TEX12: variants seen among roughly 807,000 people sequenced by gnomAD.
TEX12 encodes the protein testis-expressed protein 12.
Under a neutral mutation model 14.6 loss-of-function variants are expected in TEX12, and 7 were observed. The observed-to-expected ratio is 0.48, with a 90% CI of 0.27 to 0.90. TEX12 has a LOEUF of 0.90. Ranked by LOEUF, TEX12 falls within the 40% of genes least tolerant of loss-of-function variation. TEX12 has a pLI of 0.12. For synonymous variants in TEX12, 57 were observed against 49.1 expected (o/e 1.16, Z -0.67); for missense variants, 121 against 135.7 (o/e 0.89, Z 0.54).
intron 2 of TEX12, among the ~76,000 whole-genome samples, chr11:112,169,607 T>G (rs536645103): frequency 2.6e-5 from 4 of 152,326 alleles, no homozygotes; most frequent in African/African-American, 9.6e-5. Flanking sequence ...GGATTTTATG[T>G]AATTATTTTG....
At chr11:112,169,222 C>T (rs1404428134) in intron 1 of TEX12, 31 bp from the exon 2 acceptor site, 1 of 1,482,644 alleles carries the variant, frequency 6.7e-7, no homozygotes, top group Admixed American at 1.7e-5. Context: ...GGAGTTTGTA[C>T]CTAAATCTGG....
intron 2 of TEX12, 39 bp downstream of exon 2, chr11:112,169,370 GT>G: frequency 6.7e-7 from 1 of 1,482,086 alleles, no homozygotes; most frequent in Non-Finnish European, 9.4e-7. Flanking sequence ...CTTTTATTCT[GT>G]TTTACATACT....
At chr11:112,167,770 C>T (rs1454140744) in intron 1 of TEX12, among the ~76,000 whole-genome samples, 1 of 152,124 alleles carries the variant, frequency 6.6e-6, no homozygotes, top group Non-Finnish European at 1.5e-5. Context: ...AGGCCTGGAT[C>T]TGCTGAGGCC....
intron 2 of TEX12, among the ~76,000 whole-genome samples, chr11:112,169,912 T>G (rs1044897136): frequency 3.9e-5 from 6 of 152,246 alleles, no homozygotes; most frequent in African/African-American, 1.4e-4. Flanking sequence ...GGCTCATGTC[T>G]GTAATCCTAG....
chr11:112,170,293 C>G, intron 2 of TEX12, 126 bp from the exon 3 acceptor site: 1 of 610,486 alleles, frequency 1.6e-6, no homozygotes, highest in Admixed American at 3.3e-5. Flanking sequence ...ATGACTAAGT[C>G]ATATGCTTTC....
intron 1 of TEX12, among the ~76,000 whole-genome samples, chr11:112,168,218 CAA>C (rs776121551): frequency 6.6e-6 from 1 of 152,156 alleles, no homozygotes; most frequent in Non-Finnish European, 1.5e-5. Context: ...TCAAAAACAA[CAA>C]AGTCAATTGA....
At chr11:112,168,261 C>T (rs1025346140) in intron 1 of TEX12, among the ~76,000 whole-genome samples, 6 of 152,192 alleles carry the variant, frequency 3.9e-5, no homozygotes, top group African/African-American at 1.4e-4. Context: ...CTCCCCTCAT[C>T]TCAAAGACAC....
At chr11:112,170,812 C>T in intron 4 of TEX12, 138 bp downstream of exon 4, 2 of 613,536 alleles carry the variant, frequency 3.3e-6, no homozygotes, top group Non-Finnish European at 5.6e-6. Flanking sequence ...ACCTCAGTCC[C>T]TTATAATAGA....
chr11:112,169,241 T>C lies in TEX12; in HGVS notation c.-16-12T>C. 1 of 1,602,968 alleles carries C rather than the reference T, an allele frequency of 6.2e-7. No homozygotes were observed. Among genetic ancestry groups the C allele is most frequent in the Non-Finnish European group, 8.5e-7 (1 of 1,169,790 alleles). ...TTTGTACCTAAATCTGGCATTGTTC[T>C]AAGCTTTGTAGCTGGTGCCTTCGGA... On this transcript the variant is annotated splice_polypyrimidine_tract_variant and intron_variant, in intron 1 of 4. Coordinates refer to ENST00000280358, the MANE Select transcript of TEX12 (RefSeq NM_031275.4).
At position 112,167,403 on chromosome 11, in the gene TEX12, C is replaced by G. The variant is rs543616689; in HGVS notation, c.-101C>G. The G allele has an allele frequency of 6.6e-6, 1 of 152,366 alleles. No homozygotes were observed. Among genetic ancestry groups the G allele is most frequent in the East Asian group, 1.9e-4 (1 of 5,164 alleles). The allele number at this position is 152,366 out of a possible 1,614,324, so 9.4% of individuals were successfully genotyped here. On this transcript the variant is annotated 5_prime_UTR_variant, in exon 1 of 5. Coordinates refer to ENST00000280358, the MANE Select transcript of TEX12 (RefSeq NM_031275.4). ...TCGCGTTCGCTGACGAGGAAGGTCC[C>G]CATACCGCGAAGTACATTGGCCTTG...
chr11:112,171,962 T>G lies in TEX12; in HGVS notation c.*46T>G. ...TGAGAATTTAAACCTATTATTGTTATAATGAAAGAATGACATTTATGCTTT... is the reference window on the plus strand; with the variant it reads ...TGAGAATTTAAACCTATTATTGTTAGAATGAAAGAATGACATTTATGCTTT... On this transcript the variant is annotated 3_prime_UTR_variant, in exon 5 of 5. Coordinates refer to ENST00000280358, the MANE Select transcript of TEX12 (RefSeq NM_031275.4). The G allele has an allele frequency of 7.6e-7, 1 of 1,323,780 alleles. No homozygotes were observed. The highest frequency in any genetic ancestry group is 9.9e-7 in the Non-Finnish European group (1 of 1,010,614). 82.0% of individuals were successfully genotyped at this position (1,323,780 alleles called of 1,614,324 possible).
At chr11:112,168,701 G>T (rs1404875527) in intron 1 of TEX12, among the ~76,000 whole-genome samples, 3 of 152,216 alleles carry the variant, frequency 2.0e-5, no homozygotes, top group Middle Eastern at 6.8e-3. Flanking sequence ...ACAGGCGCCT[G>T]CCACCACGCC....
chr11:112,171,664 C>A, intron 4 of TEX12, 108 bp from the exon 5 acceptor site: 1 of 712,198 alleles, frequency 1.4e-6, no homozygotes, highest in Non-Finnish European at 2.1e-6. Flanking sequence ...TTCTGTGGCA[C>A]ATAAAGCCAT....
chr11:112,170,646 ATGT>A lies in TEX12; in HGVS notation c.203_205del (p.Leu68del). 2 of 1,611,912 alleles carry A rather than the reference ATGT, an allele frequency of 1.2e-6. No homozygotes were observed. The highest frequency in any genetic ancestry group is 1.7e-6 in the Non-Finnish European group (2 of 1,178,456). On this transcript the variant is annotated inframe_deletion, in exon 4 of 5. Coordinates refer to ENST00000280358, the MANE Select transcript of TEX12 (RefSeq NM_031275.4). ...AGATGTGAGCAAGGAAATTAATCTA[ATGT>A]TGTCTACCTATGCAAAGCTTTTAAG... is the stretch of plus-strand genomic sequence containing the variant.
chr11:112,171,620 T>A (rs1239021807), intron 4 of TEX12, 152 bp from the exon 5 acceptor site: 2 of 451,394 alleles, frequency 4.4e-6, no homozygotes, highest in East Asian at 7.4e-5. Context: ...GGGACTAATT[T>A]TTTTTTCTGA....
intron 1 of TEX12, among the ~76,000 whole-genome samples, chr11:112,168,773 A>T (rs777161542): frequency 2.6e-5 from 4 of 152,090 alleles, no homozygotes; most frequent in African/African-American, 4.8e-5. Flanking sequence ...GCTGGTCTCG[A>T]ACTCCCGACC....
chr11:112,170,626 T>G lies in TEX12; in HGVS notation c.179T>G (p.Val60Gly). Residue 60 changes from valine (V) to glycine (G), a missense_variant, in exon 4 of 5, where the codon GTG becomes GGG. Coordinates refer to ENST00000280358, the MANE Select transcript of TEX12 (RefSeq NM_031275.4). ...DEALEKDLND[V>G]SKEINLMLST... ...TTAAATGATTTTTCTTGAACAGATG[T>G]GAGCAAGGAAATTAATCTAATGTTG... is the stretch of plus-strand genomic sequence containing the variant. The G allele has an allele frequency of 6.2e-7, 1 of 1,611,616 alleles. No individual in the cohort carries two copies. Among genetic ancestry groups the G allele is most frequent in the Middle Eastern group, 1.7e-4 (1 of 6,044 alleles).
intron 2 of TEX12, among the ~76,000 whole-genome samples, chr11:112,170,187 T>C (rs1866773708): frequency 6.6e-6 from 1 of 152,096 alleles, no homozygotes; most frequent in South Asian, 2.1e-4. Context: ...AACAAACAAA[T>C]GAAAAGCAAA....
Sources: allele counts gnomAD v4.1 joint callset (sites outside exome capture counted in the v4.1 genomes callset), GRCh38; gene constraint gnomAD v4.1.1; transcripts MANE v1.5; gene names NCBI Gene and HGNC (gene_info 2026-07-23, HGNC 2026-07-21).